Variants in LRRTM4 observed in about 807,000 individuals in gnomAD.
LRRTM4 encodes leucine-rich repeat transmembrane neuronal protein 4.
A neutral mutation model predicts 47.6 loss-of-function variants in LRRTM4; 25 were observed. The observed-to-expected ratio is 0.53, with a 90% CI of 0.38 to 0.73. LRRTM4 has a LOEUF of 0.73. LRRTM4 is among the 30% of genes least tolerant of loss of function. LRRTM4 has a pLI of 0.00. For missense variants in LRRTM4, 638 were observed against 713.4 expected, an observed-to-expected ratio of 0.89 and a Z score of 1.20; for synonymous variants, 311 against 269.5, an observed-to-expected ratio of 1.15 and a Z score of -1.51.
intron 3 of LRRTM4, among the ~76,000 whole-genome samples, chr2:77,341,137 T>C (rs1671359005): frequency 6.6e-6 from 1 of 151,980 alleles, no homozygotes; most frequent in Admixed American, 6.6e-5. Flanking sequence ...TCACTCACTC[T>C]GCTACCCAGA....
rs191839030 is a variant in LRRTM4, at chr2:77,015,858, C to G, written c.1552-266942G>C. ...AACAGCCAGGTGCAGTGGCTCACACCTATAATCCCAGCACTTGAGAGTCTG... is the reference window on the plus strand; with the variant it reads ...AACAGCCAGGTGCAGTGGCTCACACGTATAATCCCAGCACTTGAGAGTCTG... On this transcript the variant is annotated intron_variant, in intron 3 of 3. Transcript: ENST00000409884. Among the ~76,000 whole-genome samples the G allele has an allele frequency of 3.9e-5, 6 of 152,060 alleles. No individual in the cohort carries two copies. In the East Asian group the frequency reaches 1.2e-3, roughly 30 times the overall value.
chr2:76,916,184 A>G (rs989013907), intron 3 of LRRTM4, among the ~76,000 whole-genome samples: 4 of 152,080 alleles, frequency 2.6e-5, no homozygotes, highest in African/African-American at 4.8e-5. Flanking sequence ...TAAACAAAGT[A>G]GTAGTAGAAT....
chr2:77,453,988 C>T (rs1013948834), intron 3 of LRRTM4, among the ~76,000 whole-genome samples: 3 of 152,092 alleles, frequency 2.0e-5, no homozygotes, highest in Non-Finnish European at 2.9e-5. Flanking sequence ...GATGTCAATT[C>T]GAAGTTTCTT....
At chr2:77,260,758 A>G (rs1159807453) in intron 3 of LRRTM4, among the ~76,000 whole-genome samples, 1 of 152,066 alleles carries the variant, frequency 6.6e-6, no homozygotes, top group Non-Finnish European at 1.5e-5. Flanking sequence ...AATTGTAATT[A>G]TCCAATTTAG....
chr2:77,052,474 C>T (rs1679469620), intron 3 of LRRTM4, among the ~76,000 whole-genome samples: 1 of 151,864 alleles, frequency 6.6e-6, no homozygotes, highest in African/African-American at 2.4e-5. Context: ...CAGCCGACAT[C>T]TCCCTTTTCA....
At chr2:76,783,646 T>G (rs1674514472) in intron 3 of LRRTM4, among the ~76,000 whole-genome samples, 1 of 152,154 alleles carries the variant, frequency 6.6e-6, no homozygotes, top group South Asian at 2.1e-4. Context: ...ATTAATTGAT[T>G]TAATCCTGAA....
rs919318367 is a variant in LRRTM4, at chr2:76,951,662, C to T, written c.1552-202746G>A. Among the ~76,000 whole-genome samples the T allele has an allele frequency of 4.6e-5, 7 of 151,962 alleles. No individual in the cohort carries two copies. The South Asian group carries it at 8.3e-4, about 18-fold the overall frequency. On this transcript the variant is annotated intron_variant, in intron 3 of 3. Transcript: ENST00000409884. Reference sequence around the variant, plus strand: ...TAACTTCTGGGATACATATGCAGAACATGCAGGTTTGTTACATAGGTATAC... The same window carrying T: ...TAACTTCTGGGATACATATGCAGAATATGCAGGTTTGTTACATAGGTATAC...
intron 3 of LRRTM4, among the ~76,000 whole-genome samples, chr2:76,796,777 G>T (rs1675351956): frequency 6.6e-6 from 1 of 151,986 alleles, no homozygotes; most frequent in Non-Finnish European, 1.5e-5. Context: ...AAGGAACGCA[G>T]TTCCTCACCA....
intron 3 of LRRTM4, among the ~76,000 whole-genome samples, chr2:77,231,276 T>C (rs1043810048): frequency 1.3e-5 from 2 of 151,470 alleles, no homozygotes; most frequent in Admixed American, 6.6e-5. Flanking sequence ...AAAGACCAGA[T>C]AGGCAATGTT....
chr2:76,819,632 CACA>C (rs770498327), intron 3 of LRRTM4, among the ~76,000 whole-genome samples: 7 of 151,874 alleles, frequency 4.6e-5, no homozygotes, highest in Admixed American at 2.6e-4. Context: ...CTTTGCCACA[CACA>C]ACAGTAATAC....
chr2:76,906,282 A>G (rs1284939703), intron 3 of LRRTM4, among the ~76,000 whole-genome samples: 1 of 152,184 alleles, frequency 6.6e-6, no homozygotes, highest in Non-Finnish European at 1.5e-5. Flanking sequence ...AATACTTTAC[A>G]GACAAGCAAA....
chr2:77,399,596 TAACTA>T (rs966984779), intron 3 of LRRTM4, among the ~76,000 whole-genome samples: 7 of 150,820 alleles, frequency 4.6e-5, no homozygotes, highest in Admixed American at 6.6e-5. Context: ...GGATCTTTAG[TAACTA>T]AACTAAACTA....
chr2:76,968,340 G>GTGTATATATA (rs1313372499), intron 3 of LRRTM4, among the ~76,000 whole-genome samples: 2 of 76,640 alleles, frequency 2.6e-5, no homozygotes, highest in Non-Finnish European at 2.6e-5. Context: ...GTGTATGTGT[G>GTGTATATATA]TATATATATA....
At chr2:77,274,981 A>C (rs1246427434) in intron 3 of LRRTM4, among the ~76,000 whole-genome samples, 1 of 152,152 alleles carries the variant, frequency 6.6e-6, no homozygotes, top group Non-Finnish European at 1.5e-5. Context: ...AAGGACACAC[A>C]GTCATTAGTG....
intron 3 of LRRTM4, 48 bp downstream of exon 3, chr2:77,518,270 T>C (rs1263023719): frequency 1.3e-6 from 2 of 1,492,746 alleles, no homozygotes; most frequent in Non-Finnish European, 1.8e-6. Flanking sequence ...AACATTTACC[T>C]CTCCTTCCCC....
At position 77,457,004 on chromosome 2, in the gene LRRTM4, G is replaced by GTATATA. The variant is rs1171771344; in HGVS notation, c.1551+61308_1551+61313dup. ...TATATATTAGTGTATGTGTGTGTGT[G>GTATATA]TATATATATATATATATATATATAT... is the stretch of plus-strand genomic sequence containing the variant. On this transcript the variant is annotated intron_variant, in intron 3 of 3. Transcript: ENST00000409884. Among the ~76,000 whole-genome samples, 219 of 22,946 alleles carry GTATATA rather than the reference G, an allele frequency of 9.5e-3. 3 individuals are homozygous for GTATATA. The highest frequency in any genetic ancestry group is 0.023 in the Admixed American group (49 of 2,130). 15.1% of individuals were successfully genotyped at this position (22,946 alleles called of 152,430 possible).
intron 3 of LRRTM4, among the ~76,000 whole-genome samples, chr2:77,205,966 C>G (rs1674113581): frequency 6.6e-6 from 1 of 151,576 alleles, no homozygotes; most frequent in South Asian, 2.1e-4. Context: ...CTCCCCAGTA[C>G]ATGAGACTAC....
chr2:77,507,695 T>C (rs1678830727), intron 3 of LRRTM4, among the ~76,000 whole-genome samples: 1 of 150,714 alleles, frequency 6.6e-6, no homozygotes. Flanking sequence ...GCCCCAAAGG[T>C]GAGAGGAAAA....
Position 77,055,101 on chromosome 2 carries a change from C to A in LRRTM4, c.1552-306185G>T, listed in dbSNP as rs148823067. ...TGCCAGCAGAAGAGGATACTGACTC[C>A]GCTACTTAGAGTTACCACAACCCAC... On this transcript the variant is annotated intron_variant, in intron 3 of 3. Coordinates refer to ENST00000409884, the MANE Select transcript of LRRTM4 (RefSeq NM_001134745.3). 5.1e-4 allele frequency among the ~76,000 whole-genome samples: 77 copies of A among 152,228 alleles called. 1 individual carries two copies. The East Asian group carries it at 0.014, about 28-fold the overall frequency.
Sources: gnomAD v4.1 joint callset for allele counts (sites outside exome capture counted in the v4.1 genomes callset) on GRCh38, gnomAD v4.1.1 for gene constraint, MANE v1.5 for transcripts, NCBI Gene and HGNC (gene_info 2026-07-23, HGNC 2026-07-21) for gene names.